B3GLCT: variants seen among roughly 807,000 people sequenced by gnomAD.
B3GLCT encodes the protein beta 3-glucosyltransferase, also known as beta-1,3-glucosyltransferase.
B3GLCT carries 65 observed loss-of-function variants against 63.4 expected under a neutral mutation model. That is an observed-to-expected ratio of 1.03 (90% CI 0.84 to 1.26). The LOEUF (loss-of-function observed/expected upper bound fraction) is 1.26. Ranked by LOEUF, B3GLCT falls within the 50% of genes most tolerant of loss-of-function variation. B3GLCT has a pLI of 0.00. For synonymous variants in B3GLCT, 233 were observed against 219.2 expected (o/e 1.06, Z -0.55); for missense variants, 577 against 604.8 (o/e 0.95, Z 0.48).
chr13:31,231,125 G>A (rs1870359726), intron 4 of B3GLCT, among the ~76,000 whole-genome samples: 1 of 152,098 alleles, frequency 6.6e-6, no homozygotes, highest in Non-Finnish European at 1.5e-5. Flanking sequence ...TGACTGGCTG[G>A]CTTCTTCCAT....
intron 10 of B3GLCT, among the ~76,000 whole-genome samples, chr13:31,282,421 C>T (rs1434633061): frequency 3.3e-5 from 5 of 151,966 alleles, no homozygotes; most frequent in African/African-American, 9.7e-5. Context: ...GGGCGGATCA[C>T]GAGGTCAGGA....
chr13:31,326,431 G>A (rs766516865), intron 14 of B3GLCT, among the ~76,000 whole-genome samples: 1 of 151,750 alleles, frequency 6.6e-6, no homozygotes, highest in Non-Finnish European at 1.5e-5. Flanking sequence ...CTATAGGTGT[G>A]TGCCACCCGC....
intron 1 of B3GLCT, among the ~76,000 whole-genome samples, chr13:31,208,422 C>G (rs1434117171): frequency 1.3e-5 from 2 of 152,134 alleles, no homozygotes; most frequent in African/African-American, 2.4e-5. Context: ...GCACGCACAC[C>G]CCTGTGCTGG....
At chr13:31,308,936 T>G (rs757940519) in intron 12 of B3GLCT, among the ~76,000 whole-genome samples, 6 of 152,224 alleles carry the variant, frequency 3.9e-5, no homozygotes, top group Non-Finnish European at 8.8e-5. Context: ...CAGCACTTTC[T>G]TTTAATTTTA....
intron 12 of B3GLCT, among the ~76,000 whole-genome samples, chr13:31,314,283 TGA>T (rs962368452): frequency 6.6e-6 from 1 of 152,184 alleles, no homozygotes; most frequent in Non-Finnish European, 1.5e-5. Context: ...GTAGATCTAC[TGA>T]CAGCTTGCAC....
chr13:31,237,417 G>A (rs1026432680), intron 4 of B3GLCT, among the ~76,000 whole-genome samples: 4 of 148,692 alleles, frequency 2.7e-5, no homozygotes, highest in Admixed American at 6.8e-5. Flanking sequence ...GCAGTGGTGC[G>A]ATCTCAGCTC....
intron 6 of B3GLCT, among the ~76,000 whole-genome samples, chr13:31,251,980 A>G (rs1475181910): frequency 6.6e-6 from 1 of 152,200 alleles, no homozygotes; most frequent in East Asian, 1.9e-4. Flanking sequence ...AAGTCCGGTT[A>G]CCCACAAAAG....
intron 10 of B3GLCT, among the ~76,000 whole-genome samples, chr13:31,283,469 G>A (rs533840942): frequency 2.0e-5 from 3 of 151,982 alleles, no homozygotes; most frequent in African/African-American, 7.2e-5. Flanking sequence ...GTACATCTTT[G>A]ACCATTTTGA....
intron 4 of B3GLCT, among the ~76,000 whole-genome samples, chr13:31,237,792 C>T (rs1477194323): frequency 1.3e-5 from 2 of 152,114 alleles, no homozygotes; most frequent in East Asian, 3.8e-4. Context: ...AGGCTGGCTC[C>T]TCAAAGGGGT....
intron 7 of B3GLCT, 100 bp from the exon 8 acceptor site, chr13:31,269,114 A>G (rs1184622434): frequency 2.4e-6 from 2 of 818,236 alleles, no homozygotes; most frequent in South Asian, 1.5e-5. Flanking sequence ...TTAAATCTGT[A>G]TGTTTATCTG....
intron 9 of B3GLCT, 23 bp downstream of exon 9, chr13:31,274,651 C>A (rs755995146): frequency 1.9e-6 from 3 of 1,613,976 alleles, no homozygotes; most frequent in South Asian, 2.2e-5. Context: ...AGAAAAACTT[C>A]TTTGCATATC....
intron 4 of B3GLCT, among the ~76,000 whole-genome samples, chr13:31,239,920 C>A (rs1458115079): frequency 6.6e-6 from 1 of 152,158 alleles, no homozygotes; most frequent in Non-Finnish European, 1.5e-5. Flanking sequence ...CATTTGAAGA[C>A]ACTAAAGTAG....
intron 3 of B3GLCT, among the ~76,000 whole-genome samples, 192 bp from the exon 4 acceptor site, chr13:31,228,993 A>G (rs1285338789): frequency 6.6e-6 from 1 of 152,192 alleles, no homozygotes; most frequent in Non-Finnish European, 1.5e-5. Flanking sequence ...GCTAACTTCT[A>G]GGAAGGAAGC....
At position 31,330,708 on chromosome 13, in the gene B3GLCT, A is replaced by ATATAG. The variant is rs1200327679; in HGVS notation, c.*1043_*1047dup. On this transcript the variant is annotated 3_prime_UTR_variant, in exon 15 of 15. Coordinates refer to ENST00000343307, the MANE Select transcript of B3GLCT (RefSeq NM_194318.4). The stretch of plus-strand genomic sequence containing the variant: ...CTAGTTTTCAAATTATATCTTTAAT[A>ATATAG]TATAGTAATGTAACATATTCAGTAT... 6.6e-6 allele frequency: 1 copy of ATATAG among 152,102 alleles called. No individual in the cohort carries two copies. The highest frequency in any genetic ancestry group is 1.5e-5 in the Non-Finnish European group (1 of 68,008). 9.4% of individuals were successfully genotyped at this position (152,102 alleles called of 1,614,324 possible). A position where few individuals can be genotyped will look rare whatever the true frequency, so the allele number is the denominator to read the frequency against.
intron 6 of B3GLCT, among the ~76,000 whole-genome samples, chr13:31,254,364 G>T (rs530594486): frequency 3.3e-5 from 5 of 152,178 alleles, no homozygotes; most frequent in Admixed American, 3.3e-4. Context: ...TGCAAGGCTG[G>T]CTCAACATAT....
At chr13:31,311,294 G>A (rs1874693422) in intron 12 of B3GLCT, 2 of 152,222 alleles carry the variant, frequency 1.3e-5, no homozygotes, top group African/African-American at 2.4e-5. Context: ...CCAGGACAGT[G>A]GACAGCTCAG....
chr13:31,248,002 G>A (rs1342917177), intron 6 of B3GLCT, 36 bp downstream of exon 6: 4 of 1,157,386 alleles, frequency 3.5e-6, no homozygotes, highest in South Asian at 2.5e-5. Context: ...TTATTTTGGG[G>A]GACAGTGTTT....
rs1224980684 is a variant in B3GLCT, at chr13:31,332,221, A to G, written c.*2553A>G. 6.6e-6 allele frequency: 1 copy of G among 152,174 alleles called. No homozygotes were observed. Among genetic ancestry groups the G allele is most frequent in the Non-Finnish European group, 1.5e-5 (1 of 68,026 alleles). The allele number at this position is 152,174 out of a possible 1,614,324, so 9.4% of individuals were successfully genotyped here. On this transcript the variant is annotated 3_prime_UTR_variant, in exon 15 of 15. Transcript: ENST00000343307. ...AGAATGTTTCTATTGTCTTCCATTC[A>G]TAATCAGAGATGTAATTTGTATGGA...
intron 12 of B3GLCT, among the ~76,000 whole-genome samples, chr13:31,298,218 G>T (rs1874053119): frequency 1.3e-5 from 2 of 152,118 alleles, no homozygotes; most frequent in South Asian, 2.1e-4. Flanking sequence ...TTTTAGGATT[G>T]GTATGTCAGC....
Sources: allele counts gnomAD v4.1 joint callset (sites outside exome capture counted in the v4.1 genomes callset), GRCh38; gene constraint gnomAD v4.1.1; transcripts MANE v1.5; gene names NCBI Gene and HGNC (gene_info 2026-07-23, HGNC 2026-07-21).